NCOA4: variants seen among roughly 807,000 people sequenced by gnomAD.
NCOA4 encodes nuclear receptor coactivator 4.
A neutral mutation model predicts 69.5 loss-of-function variants in NCOA4; 31 were observed. The ratio of observed to expected loss-of-function variants is 0.45; its 90% CI spans 0.34 to 0.60. The LOEUF is 0.60. Among genes scored for constraint, NCOA4 ranks in the 20% least tolerant of loss-of-function variants. NCOA4 has a pLI of 0.02. For missense variants in NCOA4, 600 were observed against 719.2 expected (o/e 0.83, Z 1.90); for synonymous variants, 228 against 252.4 (o/e 0.90, Z 0.92).
chr10:46,011,959 G>A (rs1839236362), intron 7 of NCOA4, among the ~76,000 whole-genome samples: 1 of 150,876 alleles, frequency 6.6e-6, no homozygotes, highest in East Asian at 2.0e-4. Flanking sequence ...TACTCAGGAG[G>A]CTGAGGCAGG....
chr10:46,010,802 C>T lies in NCOA4; in HGVS notation c.1119G>A (p.Leu373=), dbSNP rs1554921180. The part of the protein sequence containing the change: ...LGNLKCLNDH[L]EAKKPLSTPS... ...GGGTGGACAATGGTTTCTTGGCCTCCAAGTGGTCATTCAGGCACTTCAGAT... is the reference window on the plus strand; with the variant it reads ...GGGTGGACAATGGTTTCTTGGCCTCTAAGTGGTCATTCAGGCACTTCAGAT... Residue 373 remains leucine (L), a synonymous_variant, in exon 8 of 10, where the codon TTG becomes TTA. Transcript: ENST00000581486. The T allele has an allele frequency of 1.2e-6, 2 of 1,613,798 alleles. No homozygotes were observed. The highest frequency in any genetic ancestry group is 8.5e-7 in the Non-Finnish European group (1 of 1,179,874).
rs781819992 is a variant in NCOA4 at position 46,014,471 on chromosome 10, G to A, written c.453C>T (p.Ile151=). The change falls in exon 5 of 10, where the codon ATC becomes ATT. Residue 151 remains isoleucine (I), a synonymous_variant. Transcript: ENST00000581486. ...TGGTTTTGAGAGACCCAAATGTGGT[G>A]ATGGTCTGGCGCAGAGTAATTGTGT... ...EADTITLRQT[I]TTFGSLKTIQ... is the part of the protein sequence containing the mutation. 1 of 1,613,186 alleles carries A rather than the reference G, an allele frequency of 6.2e-7. No individual in the cohort carries two copies. Among genetic ancestry groups the A allele is most frequent in the Non-Finnish European group, 8.5e-7 (1 of 1,179,154 alleles).
intron 1 of NCOA4, chr10:46,023,365 G>A: frequency 2.0e-6 from 2 of 985,660 alleles, no homozygotes; most frequent in Non-Finnish European, 2.4e-6. Flanking sequence ...CAGCTGCCCG[G>A]CAAGCGACAG....
At chr10:46,030,107 C>T (rs530270539) in intron 1 of NCOA4, among the ~76,000 whole-genome samples, 2 of 152,212 alleles carry the variant, frequency 1.3e-5, no homozygotes, top group Non-Finnish European at 2.9e-5. Context: ...CGCCTCGCCC[C>T]ACATCCAAGC....
At chr10:46,027,036 C>T (rs1195503531) in intron 1 of NCOA4, among the ~76,000 whole-genome samples, 3 of 152,082 alleles carry the variant, frequency 2.0e-5, no homozygotes, top group African/African-American at 7.2e-5. Flanking sequence ...AAGGCCGAGG[C>T]GGGCGGATCA....
chr10:46,006,752 A>G (rs1282141393), intron 9 of NCOA4, among the ~76,000 whole-genome samples, 155 bp from the exon 10 acceptor site: 1 of 152,238 alleles, frequency 6.6e-6, no homozygotes, highest in Non-Finnish European at 1.5e-5. Context: ...AACTATGCCC[A>G]TTAAAGATGG....
chr10:46,020,803 C>G (rs1176021277), intron 1 of NCOA4, among the ~76,000 whole-genome samples: 1 of 152,166 alleles, frequency 6.6e-6, no homozygotes, highest in Admixed American at 6.5e-5. Context: ...TCCTAATATT[C>G]AAATCAATAA....
intron 1 of NCOA4, among the ~76,000 whole-genome samples, chr10:46,020,312 C>A (rs1839800174): frequency 6.6e-6 from 1 of 152,208 alleles, no homozygotes; most frequent in Non-Finnish European, 1.5e-5. Flanking sequence ...GTAACATAAT[C>A]TCTCTGGGCC....
chr10:46,016,521 A>G lies in NCOA4; in HGVS notation c.141+19T>C. ...GTGTCAAGAGTCCAGACAACAGAAG[A>G]GAAAAGCACATGTCACACCTCTCGC... is the stretch of plus-strand genomic sequence containing the variant. On this transcript the variant is annotated intron_variant, in intron 2 of 9. Coordinates refer to ENST00000581486, the MANE Select transcript of NCOA4 (RefSeq NM_001145263.2). The G allele has an allele frequency of 1.4e-6, 2 of 1,444,864 alleles. No homozygotes were observed. The highest frequency in any genetic ancestry group is 2.1e-5 in the Admixed American group (1 of 47,610). 89.5% of individuals were successfully genotyped at this position (1,444,864 alleles called of 1,614,324 possible). A position where few individuals can be genotyped will look rare whatever the true frequency, so the allele number is the denominator to read the frequency against.
chr10:46,012,792 A>G, intron 7 of NCOA4, 91 bp downstream of exon 7: 1 of 1,330,828 alleles, frequency 7.5e-7, no homozygotes, highest in Non-Finnish European at 9.9e-7. Context: ...CTGCAACCAA[A>G]AAGTTAACAA....
At chr10:46,023,338 C>T in intron 1 of NCOA4, 1 of 985,670 alleles carries the variant, frequency 1.0e-6, no homozygotes, top group South Asian at 4.7e-5. Flanking sequence ...ACCTCACAGG[C>T]CAGGTCACCG....
chr10:46,015,227 C>G lies in NCOA4; in HGVS notation c.181G>C (p.Glu61Gln), dbSNP rs1170244998. Residue 61 changes from glutamate to glutamine, a missense_variant, in exon 3 of 10, where the codon GAA (glutamate) becomes CAA (glutamine). Glu to Gln is a conservative substitution (Grantham distance 29). Transcript: ENST00000581486. Reference sequence around the variant, plus strand: ...CATACCTCACGGCTTCTAAGACATTCCAGGTGACGGCTTATGCAACTGTGA... The same window carrying G: ...CATACCTCACGGCTTCTAAGACATTGCAGGTGACGGCTTATGCAACTGTGA... ...QIHSCISRHL[E>Q]CLRSREVWLY... is the part of the protein sequence containing the mutation. The G allele has an allele frequency of 2.1e-5, 34 of 1,613,882 alleles. No homozygotes were observed. Among genetic ancestry groups the G allele is most frequent in the Non-Finnish European group, 2.7e-5 (32 of 1,179,992 alleles).
At chr10:46,010,185 A>T in intron 8 of NCOA4, 38 bp downstream of exon 8, 1 of 1,543,930 alleles carries the variant, frequency 6.5e-7, no homozygotes. Flanking sequence ...ATAAATAAAT[A>T]AAACTCAAAC....
rs1283127900 is a variant in NCOA4, at chr10:46,023,459, GC to G, written c.-14-6766del. 5.1e-6 allele frequency: 5 copies of G among 985,540 alleles called. No homozygotes were observed. The African/African-American group carries it at 8.7e-5, about 17-fold the overall frequency. 61.0% of individuals were successfully genotyped at this position (985,540 alleles called of 1,614,324 possible). ...ACGCGTCACACGGCAACTCCAGTTC[GC>G]CCGGGCCACTAGCGAGCTGGAGCGC... On this transcript the variant is annotated intron_variant, in intron 1 of 9. Coordinates refer to ENST00000581486, the MANE Select transcript of NCOA4 (RefSeq NM_001145263.2).
chr10:46,020,120 G>A (rs1554924068), intron 1 of NCOA4, among the ~76,000 whole-genome samples: 1 of 152,188 alleles, frequency 6.6e-6, no homozygotes. Flanking sequence ...CCAGCTGTAC[G>A]AAATGTTACA....
Position 46,012,111 on chromosome 10 carries a change from A to C in NCOA4, c.714+772T>G, listed in dbSNP as rs189696595. Among the ~76,000 whole-genome samples the C allele has an allele frequency of 3.9e-3, 565 of 146,014 alleles. 4 individuals carry two copies. Among genetic ancestry groups the C allele is most frequent in the African/African-American group, 0.013 (514 of 38,952 alleles). On this transcript the variant is annotated intron_variant, in intron 7 of 9. Transcript: ENST00000581486. Reference sequence around the variant, plus strand: ...AAAAAAAAAAAAAAAAAACGAAAAAAGAAAATACTCAACCTCCTTACTAAT... The same window carrying C: ...AAAAAAAAAAAAAAAAAACGAAAAACGAAAATACTCAACCTCCTTACTAAT...
chr10:46,016,732 TTACA>T, intron 1 of NCOA4, 38 bp from the exon 2 acceptor site: 1 of 1,337,658 alleles, frequency 7.5e-7, no homozygotes, highest in Non-Finnish European at 9.7e-7. Context: ...AGCACCATAA[TTACA>T]ACCAAAAACC....
chr10:46,011,003 C>CTAAG lies in NCOA4; in HGVS notation c.917_918insCTTA (p.Thr307LeufsTer8). 1 of 1,613,966 alleles carries CTAAG rather than the reference C, an allele frequency of 6.2e-7. No homozygotes were observed. ...GCAGCTTATGGGATTCCTGGGGAGT[C>CTAAG]ACTAGCCAATCTGATAGGTCCATCT... On this transcript the variant is annotated frameshift_variant, in exon 8 of 10. Coordinates refer to ENST00000581486, the MANE Select transcript of NCOA4 (RefSeq NM_001145263.2). LOFTEE classifies it high-confidence loss of function.
At chr10:46,026,254 G>A (rs1840153098) in intron 1 of NCOA4, among the ~76,000 whole-genome samples, 1 of 152,216 alleles carries the variant, frequency 6.6e-6, no homozygotes, top group African/African-American at 2.4e-5. Context: ...TGGCAAGGGT[G>A]TTGCCACTGA....
Sources: allele counts gnomAD v4.1 joint callset (sites outside exome capture counted in the v4.1 genomes callset), GRCh38; gene constraint gnomAD v4.1.1; transcripts MANE v1.5; gene names NCBI Gene and HGNC (gene_info 2026-07-23, HGNC 2026-07-21).